HIPK2: variants seen among roughly 807,000 people sequenced by gnomAD.
The protein encoded by HIPK2 is homeodomain-interacting protein kinase 2.
Under a neutral mutation model 113.7 loss-of-function variants are expected in HIPK2, and 27 were observed. The observed-to-expected ratio is 0.24, with a 90% CI of 0.17 to 0.33. The LOEUF (loss-of-function observed/expected upper bound fraction) is 0.33. HIPK2 is among the 10% of genes least tolerant of loss of function. The pLI, the probability that HIPK2 is intolerant of heterozygous loss-of-function variation, is 1.00. For synonymous variants in HIPK2, 631 were observed against 642.2 expected (o/e 0.98, Z 0.26); for missense variants, 1,257 against 1,588.0 (o/e 0.79, Z 3.54).
chr7:139,739,223 G>A (rs1311632066), intron 1 of HIPK2, among the ~76,000 whole-genome samples: 1 of 152,170 alleles, frequency 6.6e-6, no homozygotes, highest in Non-Finnish European at 1.5e-5. Context: ...ACCATCCCCA[G>A]CAGGGCAATT....
intron 2 of HIPK2, among the ~76,000 whole-genome samples, chr7:139,676,810 T>C (rs541924782): frequency 2.6e-5 from 4 of 152,048 alleles, no homozygotes; most frequent in Non-Finnish European, 5.9e-5. Context: ...GTGCCATACA[T>C]CTAATTGACA....
At chr7:139,741,644 C>G (rs2117080100) in intron 1 of HIPK2, among the ~76,000 whole-genome samples, 1 of 111,390 alleles carries the variant, frequency 9.0e-6, no homozygotes, top group South Asian at 2.4e-4. Flanking sequence ...TCTAGCCTGT[C>G]CCACCTTTGT....
At chr7:139,648,165 TG>T in intron 2 of HIPK2, among the ~76,000 whole-genome samples, 1 of 152,240 alleles carries the variant, frequency 6.6e-6, no homozygotes, top group Non-Finnish European at 1.5e-5. Flanking sequence ...CCTTTTCATT[TG>T]GCCTCAAAAG....
chr7:139,652,650 G>T (rs762202671), intron 2 of HIPK2, among the ~76,000 whole-genome samples: 1 of 152,212 alleles, frequency 6.6e-6, no homozygotes, highest in Non-Finnish European at 1.5e-5. Flanking sequence ...AAAAAAGACA[G>T]TCTCTGTTCT....
chr7:139,610,223 A>G (rs1799766918), intron 9 of HIPK2, among the ~76,000 whole-genome samples: 1 of 152,228 alleles, frequency 6.6e-6, no homozygotes, highest in South Asian at 2.1e-4. Context: ...AATGCTAATT[A>G]TTATTTCTTT....
At position 139,589,692 on chromosome 7, in the gene HIPK2, G is replaced by T. The variant is rs539194123; in HGVS notation, c.2718-5628C>A. 5.3e-5 allele frequency among the ~76,000 whole-genome samples: 8 copies of T among 152,336 alleles called. No homozygotes were observed. The South Asian group carries it at 1.7e-3, about 32-fold the overall frequency. On this transcript the variant is annotated intron_variant, in intron 12 of 14. Coordinates refer to ENST00000406875, the MANE Select transcript of HIPK2 (RefSeq NM_022740.5). ...TTGGCGTGGGTGACCTGTGAGAACT[G>T]AGGGCCATCTCCTTGATGGAAACCC...
intron 12 of HIPK2, among the ~76,000 whole-genome samples, chr7:139,587,467 C>T (rs979700090): frequency 8.9e-5 from 11 of 124,042 alleles, no homozygotes; most frequent in Non-Finnish European, 1.6e-4. Flanking sequence ...CCAGCCTGGG[C>T]GACAGAGCAA....
intron 11 of HIPK2, among the ~76,000 whole-genome samples, chr7:139,597,822 A>AT (rs899855117): frequency 3.3e-4 from 51 of 152,272 alleles, no homozygotes; most frequent in African/African-American, 1.1e-3. Context: ...TAGGGGAAAA[A>AT]TACTTTCTCC....
intron 2 of HIPK2, among the ~76,000 whole-genome samples, chr7:139,689,720 T>C (rs1794341331): frequency 6.6e-6 from 1 of 152,162 alleles, no homozygotes. Flanking sequence ...GCCCTACATG[T>C]AATCGTGTGG....
At position 139,777,958 on chromosome 7, in the gene HIPK2, G is replaced by C. The variant is rs1048526481; in HGVS notation, c.-335C>G. ...GGATCCGCGGAGGGGCGGGAGCCGG[G>C]GGCAGCGCGCGGCCAGGGCCGGCGG... is the stretch of plus-strand genomic sequence containing the variant. On this transcript the variant is annotated 5_prime_UTR_variant, in exon 1 of 15. Transcript: ENST00000406875. Among the ~76,000 whole-genome samples the C allele has an allele frequency of 4.1e-5, 6 of 145,846 alleles. No individual in the cohort carries two copies. Among genetic ancestry groups the C allele is most frequent in the African/African-American group, 1.5e-4 (6 of 40,492 alleles).
chr7:139,627,663 C>A (rs779335590), intron 5 of HIPK2, among the ~76,000 whole-genome samples: 2 of 152,222 alleles, frequency 1.3e-5, no homozygotes, highest in Non-Finnish European at 2.9e-5. Flanking sequence ...TACTCAGAAT[C>A]ATGATTTTTG....
chr7:139,620,479 G>A lies in HIPK2; in HGVS notation c.1704C>T (p.Phe568=), dbSNP rs183654011. Reference sequence around the variant, plus strand: ...ACGTGCTGGGGGCCACGTGCGTGATGAAAGGGGTTTTGCTCTGGTTCACCG... The same window carrying A: ...ACGTGCTGGGGGCCACGTGCGTGATAAAAGGGGTTTTGCTCTGGTTCACCG... ...YDTVNQSKTP[F]ITHVAPSTST... Residue 568 remains phenylalanine, a synonymous_variant, in exon 7 of 15, where the codon TTC becomes TTT. Coordinates refer to ENST00000406875, the MANE Select transcript of HIPK2 (RefSeq NM_022740.5). 9.5e-5 allele frequency: 153 copies of A among 1,614,152 alleles called. 1 individual carries two copies. In the African/African-American group the frequency reaches 1.8e-3, roughly 19 times the overall value.
intron 1 of HIPK2, among the ~76,000 whole-genome samples, chr7:139,755,996 C>T (rs1796356279): frequency 6.6e-6 from 1 of 152,206 alleles, no homozygotes. Context: ...TCTACCTTCC[C>T]CATCTCTCAG....
At chr7:139,678,460 A>T (rs1488473673) in intron 2 of HIPK2, among the ~76,000 whole-genome samples, 3 of 152,244 alleles carry the variant, frequency 2.0e-5, no homozygotes, top group African/African-American at 7.2e-5. Context: ...AGTTTTTGAC[A>T]GGTCTGTCGG....
At chr7:139,725,416 G>T (rs1445756964) in intron 1 of HIPK2, among the ~76,000 whole-genome samples, 2 of 152,224 alleles carry the variant, frequency 1.3e-5, no homozygotes, top group Non-Finnish European at 2.9e-5. Flanking sequence ...CAGCACTGCG[G>T]TCTCTGTACT....
At chr7:139,585,904 T>C (rs530258768) in intron 12 of HIPK2, among the ~76,000 whole-genome samples, 3 of 151,652 alleles carry the variant, frequency 2.0e-5, no homozygotes, top group East Asian at 3.9e-4. Flanking sequence ...AAACTCATGA[T>C]ATCTCGGAGA....
At chr7:139,774,570 T>A (rs576392296) in intron 1 of HIPK2, among the ~76,000 whole-genome samples, 1 of 152,330 alleles carries the variant, frequency 6.6e-6, no homozygotes, top group Non-Finnish European at 1.5e-5. Flanking sequence ...GCTTGGTAGA[T>A]AGGCATCTTC....
At position 139,699,896 on chromosome 7, in the gene HIPK2, T is replaced by C. The variant is rs1309499341; in HGVS notation, c.1103+16036A>G. Among the ~76,000 whole-genome samples, 16 of 152,342 alleles carry C rather than the reference T, an allele frequency of 1.1e-4. No individual in the cohort carries two copies. The East Asian group carries it at 2.5e-3, about 24-fold the overall frequency. Reference sequence around the variant, plus strand: ...CACCCTGGAAAACATGCATGCTTCCTGTGGCTGCACACTATGCCACCTTTG... The same window carrying C: ...CACCCTGGAAAACATGCATGCTTCCCGTGGCTGCACACTATGCCACCTTTG... On this transcript the variant is annotated intron_variant, in intron 2 of 14. Transcript: ENST00000406875.
At chr7:139,669,919 A>G (rs1174433567) in intron 2 of HIPK2, among the ~76,000 whole-genome samples, 3 of 152,210 alleles carry the variant, frequency 2.0e-5, no homozygotes, top group Non-Finnish European at 4.4e-5. Flanking sequence ...CAACTGGAAT[A>G]ATCAAGCTTT....
Sources: allele counts gnomAD v4.1 joint callset (sites outside exome capture counted in the v4.1 genomes callset), GRCh38; gene constraint gnomAD v4.1.1; transcripts MANE v1.5; gene names NCBI Gene and HGNC (gene_info 2026-07-23, HGNC 2026-07-21).